GALNTL6: variants seen among roughly 807,000 people sequenced by gnomAD.
GALNTL6 encodes polypeptide N-acetylgalactosaminyltransferase-like 6.
In GALNTL6, 46 loss-of-function variants were observed where a neutral mutation model predicts 73.7. The observed-to-expected ratio is 0.62, with a 90% CI of 0.49 to 0.80. The LOEUF (loss-of-function observed/expected upper bound fraction) is 0.80, where lower values mean the gene tolerates loss of function less well. GALNTL6 is among the 30% of genes least tolerant of loss of function. The pLI, the probability that GALNTL6 is intolerant of heterozygous loss-of-function variation, is 0.00. For synonymous variants in GALNTL6, 259 were observed against 263.7 expected, an observed-to-expected ratio of 0.98 and a Z score of 0.17; for missense variants, 604 against 755.0, an observed-to-expected ratio of 0.80 and a Z score of 2.34.
chr4:172,291,717 T>C (rs944706739), intron 3 of GALNTL6, among the ~76,000 whole-genome samples: 1 of 151,884 alleles, frequency 6.6e-6, no homozygotes, highest in African/African-American at 2.4e-5. Flanking sequence ...ATCACGCTTA[T>C]CCCGCCACCC....
At chr4:172,676,632 C>G (rs1025730296) in intron 5 of GALNTL6, among the ~76,000 whole-genome samples, 1 of 152,136 alleles carries the variant, frequency 6.6e-6, no homozygotes, top group African/African-American at 2.4e-5. Context: ...ACATATATTA[C>G]TCCAACAGGC....
chr4:172,105,922 A>G (rs1187592664), intron 2 of GALNTL6, among the ~76,000 whole-genome samples: 2 of 152,198 alleles, frequency 1.3e-5, no homozygotes, highest in Non-Finnish European at 2.9e-5. Flanking sequence ...ATTTTTAAAA[A>G]ATGCTAAAAG....
At chr4:172,106,217 T>C (rs533428767) in intron 2 of GALNTL6, among the ~76,000 whole-genome samples, 17 of 152,278 alleles carry the variant, frequency 1.1e-4, no homozygotes, top group Admixed American at 1.1e-3. Context: ...TAATTTTCTA[T>C]TCAACAATAA....
At chr4:172,602,577 T>C (rs978331118) in intron 5 of GALNTL6, among the ~76,000 whole-genome samples, 1 of 152,072 alleles carries the variant, frequency 6.6e-6, no homozygotes, top group Non-Finnish European at 1.5e-5. Flanking sequence ...TAAAATGGAA[T>C]ATGAAAATGC....
intron 10 of GALNTL6, among the ~76,000 whole-genome samples, chr4:172,963,228 G>A (rs1750166086): frequency 6.6e-6 from 1 of 152,044 alleles, no homozygotes; most frequent in Non-Finnish European, 1.5e-5. Flanking sequence ...AAATCATATG[G>A]CTCCCGCCCT....
intron 2 of GALNTL6, among the ~76,000 whole-genome samples, chr4:172,147,919 G>T (rs1733969705): frequency 6.6e-6 from 1 of 152,030 alleles, no homozygotes; most frequent in African/African-American, 2.4e-5. Flanking sequence ...ATAGCATTGT[G>T]AATAAACTTC....
At chr4:171,818,465 T>C (rs1279325210) in intron 2 of GALNTL6, among the ~76,000 whole-genome samples, 1 of 151,500 alleles carries the variant, frequency 6.6e-6, no homozygotes, top group African/African-American at 2.4e-5. Flanking sequence ...GAAGAGGATC[T>C]TGCAATTTTT....
chr4:172,168,783 A>G (rs973772671), intron 2 of GALNTL6, among the ~76,000 whole-genome samples: 1 of 152,214 alleles, frequency 6.6e-6, no homozygotes, highest in Non-Finnish European at 1.5e-5. Flanking sequence ...CAAAACATAA[A>G]GAGACATATC....
intron 2 of GALNTL6, among the ~76,000 whole-genome samples, chr4:171,822,476 A>ATTTT (rs1734711291): frequency 6.6e-6 from 1 of 152,194 alleles, no homozygotes; most frequent in Non-Finnish European, 1.5e-5. Flanking sequence ...TAGGGTAGCT[A>ATTTT]GGAGAAATAA....
chr4:172,487,345 T>C (rs1156700769), intron 5 of GALNTL6, among the ~76,000 whole-genome samples: 2 of 138,058 alleles, frequency 1.4e-5, no homozygotes, highest in African/African-American at 2.6e-5. Flanking sequence ...TTTCTTTCTT[T>C]CTTTCTTTCT....
chr4:171,878,678 A>G (rs1736346661), intron 2 of GALNTL6, among the ~76,000 whole-genome samples: 1 of 152,134 alleles, frequency 6.6e-6, no homozygotes, highest in African/African-American at 2.4e-5. Flanking sequence ...ACTTGGATAC[A>G]TAAAGAAATG....
At chr4:172,253,068 T>G (rs2111018732) in intron 3 of GALNTL6, among the ~76,000 whole-genome samples, 1 of 152,088 alleles carries the variant, frequency 6.6e-6, no homozygotes, top group Admixed American at 6.6e-5. Context: ...CATAAAAGTC[T>G]AAAAAGCGGG....
At chr4:172,550,233 T>G (rs548606158) in intron 5 of GALNTL6, among the ~76,000 whole-genome samples, 17 of 152,334 alleles carry the variant, frequency 1.1e-4, no homozygotes, top group Admixed American at 3.3e-4. Flanking sequence ...TTGATAGCAC[T>G]ATCCAATTGC....
chr4:172,584,102 C>A (rs1480508462), intron 5 of GALNTL6, among the ~76,000 whole-genome samples: 1 of 151,222 alleles, frequency 6.6e-6, no homozygotes, highest in African/African-American at 2.4e-5. Flanking sequence ...ATAGACAAAG[C>A]CAATGAAGAA....
At chr4:171,938,232 G>A (rs1738413529) in intron 2 of GALNTL6, among the ~76,000 whole-genome samples, 1 of 152,122 alleles carries the variant, frequency 6.6e-6, no homozygotes, top group South Asian at 2.1e-4. Flanking sequence ...CCAGCCCAAG[G>A]GAATGTTAAG....
intron 2 of GALNTL6, among the ~76,000 whole-genome samples, chr4:171,837,127 T>C (rs1295456883): frequency 6.6e-6 from 1 of 152,140 alleles, no homozygotes; most frequent in East Asian, 1.9e-4. Context: ...GCCAGCTGAT[T>C]GGATGCAATG....
chr4:171,860,656 T>C (rs1735808056), intron 2 of GALNTL6, among the ~76,000 whole-genome samples: 1 of 152,210 alleles, frequency 6.6e-6, no homozygotes, highest in Admixed American at 6.5e-5. Context: ...GAGCATTGAT[T>C]ATATTGTCTT....
chr4:171,968,822 A>AT lies in GALNTL6; in HGVS notation c.138+154114dup, dbSNP rs1162075144. ...CTTCGCAATCGCCCTCCCTTGTTCT[A>AT]TTTTTTTTTTGTGCGGGGTGGGGGG... On this transcript the variant is annotated intron_variant, in intron 2 of 12. Coordinates refer to ENST00000506823, the MANE Select transcript of GALNTL6 (RefSeq NM_001034845.3). Among the ~76,000 whole-genome samples, 313 of 102,884 alleles carry AT rather than the reference A, an allele frequency of 3.0e-3. 1 individual carries two copies. The highest frequency in any genetic ancestry group is 6.6e-3 in the Admixed American group (58 of 8,736). The allele number at this position is 102,884 out of a possible 152,430, so 67.5% of individuals were successfully genotyped here. A position where few individuals can be genotyped will look rare whatever the true frequency, so the allele number is the denominator to read the frequency against.
intron 5 of GALNTL6, among the ~76,000 whole-genome samples, chr4:172,384,713 T>C (rs1188638970): frequency 6.6e-6 from 1 of 152,152 alleles, no homozygotes; most frequent in Non-Finnish European, 1.5e-5. Flanking sequence ...TCTTCTTGCT[T>C]TATACTGGCG....
Sources: gnomAD v4.1 joint callset for allele counts (sites outside exome capture counted in the v4.1 genomes callset) on GRCh38, gnomAD v4.1.1 for gene constraint, MANE v1.5 for transcripts, NCBI Gene and HGNC (gene_info 2026-07-23, HGNC 2026-07-21) for gene names.